The following RARB variants were observed in gnomAD, a reference collection of about 807,000 sequenced individuals.
The protein encoded by RARB is HBV-activated protein.
Under a neutral mutation model 51.9 loss-of-function variants are expected in RARB, and 17 were observed. The observed-to-expected ratio is 0.33, with a 90% CI of 0.22 to 0.49. RARB has a LOEUF of 0.49. Ranked by LOEUF, RARB falls within the 20% of genes least tolerant of loss-of-function variation. The pLI, the probability that RARB is intolerant of heterozygous loss-of-function variation, is 0.99. For synonymous variants in RARB, 215 were observed against 195.4 expected (o/e 1.10, Z -0.84); for missense variants, 369 against 550.8 (o/e 0.67, Z 3.30).
intron 3 of RARB, among the ~76,000 whole-genome samples, chr3:25,095,082 C>G (rs1045972253): frequency 6.6e-6 from 1 of 152,074 alleles, no homozygotes; most frequent in Admixed American, 6.6e-5. Context: ...GATTTTTTTC[C>G]CTTTGGCTCA....
At position 25,241,761 on chromosome 3, in the gene RARB, T is replaced by C. The variant is rs142334175; in HGVS notation, c.178+67186T>C. On this transcript the variant is annotated intron_variant, in intron 5 of 11. Transcript: ENST00000383772. The stretch of plus-strand genomic sequence containing the variant: ...TCCAAGTCTTTGCTATTGTGAATAG[T>C]GCATGTGCATACGTGTGCATGTGTC... 7.1e-3 allele frequency among the ~76,000 whole-genome samples: 1,075 copies of C among 152,132 alleles called. 8 individuals are homozygous for C. Among genetic ancestry groups the C allele is most frequent in the African/African-American group, 0.024 (982 of 41,550 alleles).
At chr3:24,899,181 T>A (rs1335589035) in intron 2 of RARB, among the ~76,000 whole-genome samples, 3 of 152,122 alleles carry the variant, frequency 2.0e-5, no homozygotes, top group African/African-American at 7.2e-5. Flanking sequence ...TATTAAAAAT[T>A]TCAAGATGAC....
chr3:25,393,520 CT>C (rs954082538), intron 5 of RARB, among the ~76,000 whole-genome samples: 5 of 151,848 alleles, frequency 3.3e-5, no homozygotes, highest in Admixed American at 6.6e-5. Flanking sequence ...TGTTCCTGAA[CT>C]TTTTTTTGTT....
chr3:25,300,194 C>G (rs887917029), intron 5 of RARB, among the ~76,000 whole-genome samples: 1 of 152,144 alleles, frequency 6.6e-6, no homozygotes, highest in Non-Finnish European at 1.5e-5. Flanking sequence ...TCTTATATGA[C>G]AAAACATGAC....
intron 5 of RARB, among the ~76,000 whole-genome samples, chr3:25,287,059 T>C (rs1703674078): frequency 6.6e-6 from 1 of 152,204 alleles, no homozygotes; most frequent in South Asian, 2.1e-4. Context: ...GAAGAGGCAG[T>C]TTGTTTCTAT....
At chr3:25,407,779 A>G (rs1289451829) in intron 5 of RARB, among the ~76,000 whole-genome samples, 3 of 148,816 alleles carry the variant, frequency 2.0e-5, no homozygotes, top group African/African-American at 7.5e-5. Context: ...TTTCCTGGCC[A>G]TGAGAACAAC....
chr3:24,908,128 G>A (rs1457437850), intron 2 of RARB, among the ~76,000 whole-genome samples: 1 of 152,142 alleles, frequency 6.6e-6, no homozygotes, highest in Admixed American at 6.5e-5. Context: ...TAGTAGTACA[G>A]CATGTTCCAA....
At chr3:25,490,987 C>T (rs796973361) in intron 2 of RARB, among the ~76,000 whole-genome samples, 1 of 152,152 alleles carries the variant, frequency 6.6e-6, no homozygotes, top group Non-Finnish European at 1.5e-5. Context: ...TTAATTCAAA[C>T]TCTTGAGAAG....
chr3:25,036,064 G>C (rs544589778), intron 2 of RARB, among the ~76,000 whole-genome samples: 2 of 152,308 alleles, frequency 1.3e-5, no homozygotes, highest in Admixed American at 6.5e-5. Context: ...ATGCCACGCT[G>C]TGAATGAAAA....
chr3:25,206,193 T>A lies in RARB; in HGVS notation c.178+31618T>A, dbSNP rs7623668. 9.2e-3 allele frequency among the ~76,000 whole-genome samples: 1,403 copies of A among 152,306 alleles called. 19 individuals are homozygous for A. Among genetic ancestry groups the A allele is most frequent in the African/African-American group, 0.033 (1,353 of 41,550 alleles). On this transcript the variant is annotated intron_variant, in intron 5 of 11. Transcript: ENST00000383772. ...GTTCTATTTTCCAGCTGTAATAATA[T>A]TTCATCTCAAGTGAATCCCCTCCTT...
At chr3:25,077,600 G>T (rs888955995) in intron 3 of RARB, among the ~76,000 whole-genome samples, 1 of 152,040 alleles carries the variant, frequency 6.6e-6, no homozygotes, top group Non-Finnish European at 1.5e-5. Context: ...TGGACATTTG[G>T]TTATTTCCAG....
chr3:25,554,152 C>G (rs1699955762), intron 3 of RARB, among the ~76,000 whole-genome samples: 7 of 150,420 alleles, frequency 4.7e-5, no homozygotes. Flanking sequence ...GAGAAAGTAT[C>G]TGTGCGTGGA....
chr3:25,416,819 A>G (rs1423797155), intron 5 of RARB, among the ~76,000 whole-genome samples: 3 of 152,154 alleles, frequency 2.0e-5, no homozygotes, highest in Non-Finnish European at 4.4e-5. Flanking sequence ...TCGTTTTGTC[A>G]TGGACTTCTA....
intron 2 of RARB, among the ~76,000 whole-genome samples, chr3:24,964,257 A>G (rs1474214205): frequency 6.6e-6 from 1 of 152,122 alleles, no homozygotes; most frequent in East Asian, 1.9e-4. Flanking sequence ...ATAGGAATTG[A>G]TATTTTGTAG....
intron 5 of RARB, among the ~76,000 whole-genome samples, chr3:25,592,116 G>GTCTCC (rs1701633868): frequency 1.3e-5 from 2 of 152,180 alleles, no homozygotes; most frequent in African/African-American, 4.8e-5. Flanking sequence ...GGGAATATGG[G>GTCTCC]CAGGATGGAG....
At chr3:25,589,138 G>A (rs373171350) in intron 5 of RARB, among the ~76,000 whole-genome samples, 93 of 152,268 alleles carry the variant, frequency 6.1e-4, no homozygotes, top group African/African-American at 1.9e-3. Context: ...TGGGTTTTAG[G>A]AAGCATTTTC....
intron 5 of RARB, among the ~76,000 whole-genome samples, chr3:25,410,401 G>A (rs1707528031): frequency 6.6e-6 from 1 of 152,116 alleles, no homozygotes; most frequent in Non-Finnish European, 1.5e-5. Flanking sequence ...GTTCTCATCT[G>A]AACAAGGCAG....
At chr3:25,244,566 T>G (rs1239211799) in intron 5 of RARB, among the ~76,000 whole-genome samples, 1 of 152,240 alleles carries the variant, frequency 6.6e-6, no homozygotes, top group Admixed American at 6.5e-5. Flanking sequence ...CATTTTGTTG[T>G]TTACCCAGTA....
At chr3:25,459,624 G>C (rs1695072553) in intron 1 of RARB, among the ~76,000 whole-genome samples, 1 of 152,196 alleles carries the variant, frequency 6.6e-6, no homozygotes, top group Non-Finnish European at 1.5e-5. Flanking sequence ...GAGAGGCGAT[G>C]GTGGATTATT....
Sources: allele counts gnomAD v4.1 joint callset (sites outside exome capture counted in the v4.1 genomes callset), GRCh38; gene constraint gnomAD v4.1.1; transcripts MANE v1.5; gene names NCBI Gene and HGNC (gene_info 2026-07-23, HGNC 2026-07-21).